Variants in RBFOX1 observed in about 807,000 individuals in gnomAD.
RBFOX1 encodes the protein RNA binding fox-1 homolog 1.
A neutral mutation model predicts 57.7 loss-of-function variants in RBFOX1; 8 were observed. That is an observed-to-expected ratio of 0.14 (90% CI 0.08 to 0.25). The LOEUF is 0.25. Among genes scored for constraint, RBFOX1 ranks in the 10% least tolerant of loss-of-function variants. The pLI, the probability that RBFOX1 is intolerant of heterozygous loss-of-function variation, is 1.00. For missense variants in RBFOX1, 611 were observed against 548.5 expected (o/e 1.11, Z -1.14); for synonymous variants, 326 against 222.4 (o/e 1.47, Z -4.15).
intron 4 of RBFOX1, among the ~76,000 whole-genome samples, chr16:7,112,378 A>ATTTTTTTTTTTT (rs5815373): frequency 7.2e-6 from 1 of 139,378 alleles, no homozygotes. Flanking sequence ...AATTTTTTGT[A>ATTTTTTTTTTTT]TTTTTTTTTT....
intron 4 of RBFOX1, among the ~76,000 whole-genome samples, chr16:7,485,200 T>A (rs918274323): frequency 6.6e-6 from 1 of 152,194 alleles, no homozygotes; most frequent in African/African-American, 2.4e-5. Flanking sequence ...ACCTACCTGT[T>A]ATTTTGTTTT....
intron 2 of RBFOX1, among the ~76,000 whole-genome samples, chr16:6,392,094 G>A (rs1019847305): frequency 2.6e-5 from 4 of 152,186 alleles, no homozygotes; most frequent in African/African-American, 9.7e-5. Context: ...TGCTGTCAAG[G>A]AAAATTATGC....
chr16:6,045,009 T>C (rs1251474219), intron 1 of RBFOX1, among the ~76,000 whole-genome samples: 1 of 152,230 alleles, frequency 6.6e-6, no homozygotes, highest in Non-Finnish European at 1.5e-5. Flanking sequence ...AAAATAGCCA[T>C]GATGCCTGGG....
intron 2 of RBFOX1, among the ~76,000 whole-genome samples, chr16:6,391,778 C>G (rs1043272973): frequency 1.8e-4 from 27 of 152,074 alleles, no homozygotes; most frequent in African/African-American, 6.0e-4. Context: ...AAGTACAATT[C>G]TTAGATTTTT....
chr16:7,169,312 G>C (rs1264480042), intron 4 of RBFOX1, among the ~76,000 whole-genome samples: 6 of 152,168 alleles, frequency 3.9e-5, no homozygotes, highest in Admixed American at 3.9e-4. Context: ...TTTACTAAAA[G>C]CTTTGCATAT....
chr16:6,395,743 G>A (rs2092802263), intron 2 of RBFOX1, among the ~76,000 whole-genome samples: 1 of 151,986 alleles, frequency 6.6e-6, no homozygotes, highest in South Asian at 2.1e-4. Context: ...AATTTATTGT[G>A]TACCAAATAT....
chr16:5,707,525 A>C (rs1188473699), intron 3 of RBFOX1, among the ~76,000 whole-genome samples: 1 of 152,192 alleles, frequency 6.6e-6, no homozygotes, highest in East Asian at 1.9e-4. Flanking sequence ...TGCCATCTGC[A>C]AGGAACTCAG....
At chr16:5,475,795 T>TTTTTTA (rs1220925848) in intron 2 of RBFOX1, among the ~76,000 whole-genome samples, 1 of 152,080 alleles carries the variant, frequency 6.6e-6, no homozygotes, top group Non-Finnish European at 1.5e-5. Context: ...CTGGCTCTAG[T>TTTTTTA]TTTTTATTTT....
intron 1 of RBFOX1, among the ~76,000 whole-genome samples, chr16:5,445,398 C>A (rs2068211643): frequency 6.6e-6 from 1 of 152,110 alleles, no homozygotes; most frequent in African/African-American, 2.4e-5. Flanking sequence ...CTGTGAGCTC[C>A]CTAAGGGTGG....
chr16:6,553,560 C>G (rs1158043434), intron 2 of RBFOX1, among the ~76,000 whole-genome samples: 1 of 152,186 alleles, frequency 6.6e-6, no homozygotes, highest in Non-Finnish European at 1.5e-5. Context: ...CCAAGTCTAT[C>G]TAATCACATC....
rs1555453186 is a variant in RBFOX1, at chr16:5,944,987, A to AAAAAG, written c.351+77653_351+77654insAAAGA. On this transcript the variant is annotated intron_variant, in intron 4 of 19. Transcript: ENST00000641259. ...CATAAAAAAAAAAAAAAAAAAAAAAAAGAGAGAGAGAGAGAGAGAAAGAGA... is the reference window on the plus strand; with the variant it reads ...CATAAAAAAAAAAAAAAAAAAAAAAAAAAAGAGAGAGAGAGAGAGAGAGAAAGAGA... 8.0e-3 allele frequency among the ~76,000 whole-genome samples: 776 copies of AAAAAG among 96,888 alleles called. 32 individuals are homozygous for AAAAAG. The highest frequency in any genetic ancestry group is 0.011 in the African/African-American group (339 of 31,488). The allele number at this position is 96,888 out of a possible 152,430, so 63.6% of individuals were successfully genotyped here.
intron 4 of RBFOX1, among the ~76,000 whole-genome samples, chr16:7,386,048 C>A (rs1459112146): frequency 6.6e-6 from 1 of 151,836 alleles, no homozygotes; most frequent in Non-Finnish European, 1.5e-5. Flanking sequence ...CTCAGCCTCC[C>A]AAAGTGCTGG....
At chr16:7,547,841 T>C (rs1292712242) in intron 5 of RBFOX1, among the ~76,000 whole-genome samples, 1 of 152,196 alleles carries the variant, frequency 6.6e-6, no homozygotes, top group African/African-American at 2.4e-5. Flanking sequence ...GGAGGTTGTG[T>C]GTATTTAACA....
intron 1 of RBFOX1, among the ~76,000 whole-genome samples, chr16:5,341,957 G>T (rs1250535379): frequency 6.6e-6 from 1 of 152,214 alleles, no homozygotes; most frequent in Non-Finnish European, 1.5e-5. Context: ...AAAGAGGTGA[G>T]ATTTGGATCA....
chr16:6,851,558 T>A (rs952056119), intron 3 of RBFOX1, among the ~76,000 whole-genome samples: 1 of 152,202 alleles, frequency 6.6e-6, no homozygotes, highest in African/African-American at 2.4e-5. Context: ...ATATTTGTGT[T>A]CTCCTCTGCC....
chr16:5,769,123 G>A (rs543379541), intron 3 of RBFOX1, among the ~76,000 whole-genome samples: 1 of 152,072 alleles, frequency 6.6e-6, no homozygotes, highest in Non-Finnish European at 1.5e-5. Flanking sequence ...ATATGGAAGA[G>A]AGGTGAGTGA....
chr16:6,624,591 C>A (rs572093847), intron 2 of RBFOX1, among the ~76,000 whole-genome samples: 17 of 152,246 alleles, frequency 1.1e-4, no homozygotes, highest in African/African-American at 3.9e-4. Flanking sequence ...TTTTGTAAGA[C>A]TGTACCCTAA....
intron 1 of RBFOX1, among the ~76,000 whole-genome samples, chr16:5,364,906 T>A (rs1302918700): frequency 6.6e-6 from 1 of 152,150 alleles, no homozygotes; most frequent in African/African-American, 2.4e-5. Flanking sequence ...CCCTCCATGA[T>A]GTCACGCTGG....
intron 2 of RBFOX1, among the ~76,000 whole-genome samples, chr16:5,508,629 G>A (rs2043462344): frequency 6.6e-6 from 1 of 151,424 alleles, no homozygotes; most frequent in Non-Finnish European, 1.5e-5. Context: ...GGGGGTGGGG[G>A]GACTGCACAG....
Sources: allele counts gnomAD v4.1 joint callset (sites outside exome capture counted in the v4.1 genomes callset), GRCh38; gene constraint gnomAD v4.1.1; transcripts MANE v1.5; gene names NCBI Gene and HGNC (gene_info 2026-07-23, HGNC 2026-07-21).